The following ORC5 variants were observed in gnomAD, a reference collection of about 807,000 sequenced individuals.
The protein encoded by ORC5 is protein phosphatase 1, regulatory subunit 117.
A neutral mutation model predicts 58.8 loss-of-function variants in ORC5; 39 were observed. The observed-to-expected ratio is 0.66, with a 90% confidence interval of 0.51 to 0.87. The LOEUF is 0.87. ORC5 is among the 40% of genes least tolerant of loss of function. The pLI is 0.00. For synonymous variants in ORC5, 218 were observed against 177.6 expected, an observed-to-expected ratio of 1.23 and a Z score of -1.81; for missense variants, 493 against 506.3, an observed-to-expected ratio of 0.97 and a Z score of 0.25.
intron 12 of ORC5, among the ~76,000 whole-genome samples, chr7:104,139,893 TGA>T (rs908453490): frequency 5.3e-5 from 8 of 152,020 alleles, no homozygotes; most frequent in Non-Finnish European, 1.2e-4. Context: ...TGATCAAAAC[TGA>T]GAGAGGTATT....
intron 8 of ORC5, among the ~76,000 whole-genome samples, chr7:104,173,143 T>C (rs967935569): frequency 1.3e-5 from 2 of 152,168 alleles, no homozygotes; most frequent in African/African-American, 4.8e-5. Context: ...AACCATAACC[T>C]TGCACAAAGG....
At chr7:104,205,203 C>T (rs1800049163) in intron 1 of ORC5, among the ~76,000 whole-genome samples, 2 of 147,256 alleles carry the variant, frequency 1.4e-5, no homozygotes, top group Admixed American at 1.4e-4. Flanking sequence ...GATTCTCCTG[C>T]CTCAGCCTCC....
chr7:104,180,848 T>A (rs536717599), intron 8 of ORC5, among the ~76,000 whole-genome samples: 1 of 152,314 alleles, frequency 6.6e-6, no homozygotes, highest in Admixed American at 6.5e-5. Context: ...GCCACAAAAA[T>A]CATCAAATTT....
intron 13 of ORC5, among the ~76,000 whole-genome samples, chr7:104,130,874 A>G (rs1193493342): frequency 6.6e-6 from 1 of 152,174 alleles, no homozygotes; most frequent in East Asian, 1.9e-4. Context: ...TTAGCCCCCG[A>G]CTGGCTTTAC....
intron 13 of ORC5, among the ~76,000 whole-genome samples, chr7:104,130,137 A>G (rs1207128200): frequency 6.6e-6 from 1 of 151,600 alleles, no homozygotes; most frequent in African/African-American, 2.4e-5. Flanking sequence ...GTGTCTTCCC[A>G]CTGACTGTGG....
intron 8 of ORC5, among the ~76,000 whole-genome samples, chr7:104,181,791 CAAAA>C (rs34988883): frequency 5.8e-5 from 5 of 85,814 alleles, no homozygotes; most frequent in African/African-American, 8.8e-5. Context: ...GACTCCGTCT[CAAAA>C]AAAAAAAAAA....
intron 1 of ORC5, among the ~76,000 whole-genome samples, chr7:104,205,059 G>A (rs186557636): frequency 6.0e-4 from 88 of 147,856 alleles, no homozygotes; most frequent in Non-Finnish European, 8.5e-4. Flanking sequence ...AAATAATTAC[G>A]GGAAAACTTG....
intron 10 of ORC5, 86 bp downstream of exon 10, chr7:104,166,686 C>A: frequency 1.4e-6 from 1 of 730,224 alleles, no homozygotes; most frequent in Non-Finnish European, 2.3e-6. Flanking sequence ...TAATCTCTTC[C>A]CCTTAGAAAT....
intron 12 of ORC5, among the ~76,000 whole-genome samples, chr7:104,157,554 T>A (rs534711140): frequency 6.6e-6 from 1 of 152,208 alleles, no homozygotes; most frequent in Admixed American, 6.6e-5. Flanking sequence ...CAAGTTGTTT[T>A]CTTAACTGTG....
At chr7:104,172,068 C>T (rs1204800723) in intron 8 of ORC5, among the ~76,000 whole-genome samples, 2 of 152,326 alleles carry the variant, frequency 1.3e-5, no homozygotes, top group East Asian at 3.9e-4. Flanking sequence ...TGACTTTTCA[C>T]CTCAGCATGA....
chr7:104,140,978 T>C (rs977943443), intron 12 of ORC5, among the ~76,000 whole-genome samples: 6 of 152,228 alleles, frequency 3.9e-5, no homozygotes, highest in African/African-American at 1.4e-4. Context: ...AGATGTTTAG[T>C]AACTTGATCA....
intron 12 of ORC5, among the ~76,000 whole-genome samples, chr7:104,145,434 A>C (rs1400908523): frequency 1.3e-5 from 2 of 152,218 alleles, no homozygotes; most frequent in Non-Finnish European, 2.9e-5. Flanking sequence ...TCTGTTGGAA[A>C]AAAAAGCTCT....
At chr7:104,164,898 T>C (rs1014306667) in intron 11 of ORC5, among the ~76,000 whole-genome samples, 2 of 152,160 alleles carry the variant, frequency 1.3e-5, no homozygotes, top group Non-Finnish European at 2.9e-5. Context: ...TGAGTTTACC[T>C]TTTTTATTTG....
chr7:104,189,681 A>G (rs1799630270), intron 5 of ORC5, among the ~76,000 whole-genome samples: 1 of 152,180 alleles, frequency 6.6e-6, no homozygotes, highest in Non-Finnish European at 1.5e-5. Flanking sequence ...AGAGGGTAGC[A>G]CACTCCAGCC....
chr7:104,144,735 C>G (rs528855847), intron 12 of ORC5, among the ~76,000 whole-genome samples: 1 of 152,312 alleles, frequency 6.6e-6, no homozygotes, highest in South Asian at 2.1e-4. Flanking sequence ...CCACCCTGGG[C>G]AACAGAACGA....
intron 12 of ORC5, among the ~76,000 whole-genome samples, chr7:104,141,992 A>T (rs1199209389): frequency 6.6e-6 from 1 of 152,154 alleles, no homozygotes; most frequent in Non-Finnish European, 1.5e-5. Context: ...AAAGTATATT[A>T]TTAATACAAA....
intron 8 of ORC5, among the ~76,000 whole-genome samples, chr7:104,182,747 A>G (rs1799460980): frequency 6.6e-6 from 1 of 152,228 alleles, no homozygotes; most frequent in African/African-American, 2.4e-5. Context: ...GCGGAGGTTC[A>G]CAGTTCAAAA....
chr7:104,189,670 G>C (rs1451025446), intron 5 of ORC5, among the ~76,000 whole-genome samples: 2 of 152,134 alleles, frequency 1.3e-5, no homozygotes, highest in African/African-American at 4.8e-5. Context: ...TCCACATGCT[G>C]AGAGGGTAGC....
chr7:104,155,910 A>G lies in ORC5; in HGVS notation c.1149+5162T>C, dbSNP rs77485311. Among the ~76,000 whole-genome samples, 897 of 151,852 alleles carry G rather than the reference A, an allele frequency of 5.9e-3. 6 individuals are homozygous for G. The highest frequency in any genetic ancestry group is 0.02 in the African/African-American group (850 of 41,556). On this transcript the variant is annotated intron_variant, in intron 12 of 13. Transcript: ENST00000297431. ...TTTAAGAAAAAAAGAATTAAAAAGC[A>G]TAACTTGGCTTTAATATATTTCTGG...
Sources: allele counts gnomAD v4.1 joint callset (sites outside exome capture counted in the v4.1 genomes callset), GRCh38; gene constraint gnomAD v4.1.1; transcripts MANE v1.5; gene names NCBI Gene and HGNC (gene_info 2026-07-23, HGNC 2026-07-21).